EYS: variants seen among roughly 807,000 people sequenced by gnomAD.
The protein encoded by EYS is EGF-like photoreceptor maintenance factor, also known as protein eyes shut homolog.
A neutral mutation model predicts 282.1 loss-of-function variants in EYS; 250 were observed. The observed-to-expected ratio is 0.89, with a 90% confidence interval of 0.80 to 0.98. EYS has a LOEUF of 0.98. EYS is among the 50% of genes least tolerant of loss of function. EYS has a pLI of 0.00. For synonymous variants in EYS, 1,355 were observed against 1,282.9 expected, an observed-to-expected ratio of 1.06 and a Z score of -1.20; for missense variants, 4,016 against 3,709.0, an observed-to-expected ratio of 1.08 and a Z score of -2.15.
chr6:64,444,906 C>T (rs1193734849), intron 26 of EYS, among the ~76,000 whole-genome samples: 1 of 152,204 alleles, frequency 6.6e-6, no homozygotes, highest in African/African-American at 2.4e-5. Context: ...CTGCCTCCCA[C>T]TTCACCTCCA....
At chr6:64,621,690 A>T (rs1000459575) in intron 23 of EYS, among the ~76,000 whole-genome samples, 2 of 152,190 alleles carry the variant, frequency 1.3e-5, no homozygotes, top group African/African-American at 4.8e-5. Context: ...TGCCCCAAGG[A>T]TAGTGCAGCA....
At chr6:64,054,404 G>A (rs937213431) in intron 33 of EYS, among the ~76,000 whole-genome samples, 4 of 152,130 alleles carry the variant, frequency 2.6e-5, no homozygotes, top group Non-Finnish European at 5.9e-5. Context: ...GAAAATGTAG[G>A]ACTCTGTTTG....
chr6:65,338,295 T>G (rs904400141), intron 10 of EYS, among the ~76,000 whole-genome samples: 2 of 151,050 alleles, frequency 1.3e-5, no homozygotes, highest in Admixed American at 6.6e-5. Context: ...ATAAGAAGTC[T>G]CTCAGAAAAA....
chr6:64,018,037 A>G (rs913712001), intron 33 of EYS, among the ~76,000 whole-genome samples: 3 of 152,154 alleles, frequency 2.0e-5, no homozygotes, highest in African/African-American at 4.8e-5. Context: ...ATTTATAACC[A>G]TGTCTTATGT....
At chr6:64,825,919 A>C (rs1562211966) in intron 19 of EYS, among the ~76,000 whole-genome samples, 1 of 151,604 alleles carries the variant, frequency 6.6e-6, no homozygotes, top group Non-Finnish European at 1.5e-5. Flanking sequence ...ATATATATAT[A>C]TATAAATACA....
intron 8 of EYS, among the ~76,000 whole-genome samples, chr6:65,363,488 C>T (rs1251722370): frequency 6.6e-6 from 1 of 151,484 alleles, no homozygotes; most frequent in South Asian, 2.1e-4. Flanking sequence ...AAGTATATGT[C>T]ATTTTGTTTC....
intron 12 of EYS, among the ~76,000 whole-genome samples, chr6:65,270,181 A>G (rs1354673646): frequency 6.6e-6 from 1 of 152,172 alleles, no homozygotes; most frequent in African/African-American, 2.4e-5. Flanking sequence ...CATAAGATAA[A>G]CATTCTCATT....
intron 26 of EYS, among the ~76,000 whole-genome samples, chr6:64,547,528 G>A (rs556574876): frequency 9.8e-4 from 149 of 152,324 alleles, no homozygotes; most frequent in African/African-American, 3.5e-3. Flanking sequence ...CCCTGAGCTA[G>A]ACACAGGTTG....
At chr6:64,633,934 T>C (rs7773891) in intron 22 of EYS, among the ~76,000 whole-genome samples, 144,824 of 152,190 alleles carry the variant, frequency 0.95, 69,308 homozygotes, top group East Asian at 1. Flanking sequence ...CAAGCTGCTC[T>C]TAAATTCTTG....
intron 41 of EYS, among the ~76,000 whole-genome samples, chr6:63,753,144 A>ATATATATATATATATATATATG (rs1554166858): frequency 0.014 from 1,015 of 74,222 alleles, 17 homozygotes; most frequent in African/African-American, 0.07. Flanking sequence ...GTGTGTGTAT[A>ATATATATATATATATATATATG]TATATATATA....
At chr6:64,715,100 T>C (rs1437376067) in intron 22 of EYS, among the ~76,000 whole-genome samples, 1 of 151,820 alleles carries the variant, frequency 6.6e-6, no homozygotes, top group Admixed American at 6.6e-5. Context: ...GGGTGAGATA[T>C]GGTTTTTGGG....
intron 2 of EYS, among the ~76,000 whole-genome samples, chr6:65,604,536 T>TG (rs1765717902): frequency 6.6e-6 from 1 of 151,788 alleles, no homozygotes; most frequent in African/African-American, 2.4e-5. Flanking sequence ...TTATACATGT[T>TG]TATATATTTG....
At chr6:65,195,970 G>C (rs544358650) in intron 12 of EYS, among the ~76,000 whole-genome samples, 1 of 152,094 alleles carries the variant, frequency 6.6e-6, no homozygotes, top group African/African-American at 2.4e-5. Context: ...CATCCACCTA[G>C]CATGAAATGG....
At position 65,212,991 on chromosome 6, in the gene EYS, G is replaced by A. The variant is rs138156307; in HGVS notation, c.2023+82872C>T. Reference sequence around the variant, plus strand: ...TAATATATAAAATCGATCGATGTTCGTTACATTTAAGTGGCAGGATTATTC... The same window carrying A: ...TAATATATAAAATCGATCGATGTTCATTACATTTAAGTGGCAGGATTATTC... On this transcript the variant is annotated intron_variant, in intron 12 of 42. Coordinates refer to ENST00000503581, the MANE Select transcript of EYS (RefSeq NM_001142800.2). Among the ~76,000 whole-genome samples, 50 of 151,984 alleles carry A rather than the reference G, an allele frequency of 3.3e-4. No individual in the cohort carries two copies. In the Middle Eastern group the frequency reaches 0.021, roughly 62 times the overall value.
intron 35 of EYS, among the ~76,000 whole-genome samples, chr6:63,888,400 A>G (rs1773321401): frequency 6.6e-6 from 1 of 152,228 alleles, no homozygotes; most frequent in South Asian, 2.1e-4. Flanking sequence ...TCTGTCTGGC[A>G]TCTGGCAGGT....
chr6:65,389,853 T>G (rs1174012103), intron 7 of EYS, among the ~76,000 whole-genome samples: 1 of 152,018 alleles, frequency 6.6e-6, no homozygotes, highest in Non-Finnish European at 1.5e-5. Flanking sequence ...TGTTTTCAGG[T>G]CAATGGAACA....
intron 29 of EYS, among the ~76,000 whole-genome samples, chr6:64,331,684 G>A (rs1225756082): frequency 6.7e-6 from 1 of 149,760 alleles, no homozygotes; most frequent in African/African-American, 2.4e-5. Flanking sequence ...GCATTTCTAT[G>A]TGCTGCACCT....
Position 64,465,872 on chromosome 6 carries a change from C to A in EYS, c.5645-26520G>T, listed in dbSNP as rs950025534. ...CATACATCTGTTAAGAGATTAATAT[C>A]TAAAATATTTAAGAAACTGAAACAA... On this transcript the variant is annotated intron_variant, in intron 26 of 42. Transcript: ENST00000503581. Among the ~76,000 whole-genome samples the A allele has an allele frequency of 1.3e-5, 2 of 152,008 alleles. 1 individual carries two copies. The highest frequency in any genetic ancestry group is 2.9e-5 in the Non-Finnish European group (2 of 67,928).
chr6:64,843,166 A>G (rs1238816223), intron 19 of EYS, among the ~76,000 whole-genome samples: 1 of 152,154 alleles, frequency 6.6e-6, no homozygotes, highest in Non-Finnish European at 1.5e-5. Context: ...ATGCCCAGGG[A>G]AAAGCTTGTT....
Sources: allele counts gnomAD v4.1 joint callset (sites outside exome capture counted in the v4.1 genomes callset), GRCh38; gene constraint gnomAD v4.1.1; transcripts MANE v1.5; gene names NCBI Gene and HGNC (gene_info 2026-07-23, HGNC 2026-07-21).